The following GPR146 variants were observed in gnomAD, a reference collection of about 807,000 sequenced individuals.
GPR146 encodes the protein G-protein coupled receptor 146.
For synonymous variants in GPR146, 203 were observed against 104.3 expected (o/e 1.95, Z -5.77); for missense variants, 381 against 213.9 (o/e 1.78, Z -4.87).
rs1017201099 is a variant in GPR146 at position 1,058,725 on chromosome 7, G to A, written c.*208G>A. The A allele has an allele frequency of 1.5e-5, 9 of 591,378 alleles. No individual in the cohort carries two copies. The highest frequency in any genetic ancestry group is 4.3e-5 in the South Asian group (2 of 46,386). The allele number at this position is 591,378 out of a possible 1,614,324, so 36.6% of individuals were successfully genotyped here. ...GCTGGCATCTGGCTTGAGTCTCCCCGAGGCCTGTGCGTCTCCCAAACACGC... is the reference window on the plus strand; with the variant it reads ...GCTGGCATCTGGCTTGAGTCTCCCCAAGGCCTGTGCGTCTCCCAAACACGC... On this transcript the variant is annotated 3_prime_UTR_variant, in exon 2 of 2. Transcript: ENST00000444847.
chr7:1,057,833 G>T lies in GPR146; in HGVS notation c.318G>T (p.Gln106His). Reference sequence around the variant, plus strand: ...GCGGCGAAGTCCACGTGGCACTGCAGATCCCCTTCAATGTGTCCTCACTGG... The same window carrying T: ...GCGGCGAAGTCCACGTGGCACTGCATATCCCCTTCAATGTGTCCTCACTGG... ...SVGGEVHVAL[Q>H]IPFNVSSLVA... is the part of the protein sequence containing the mutation. Residue 106 changes from glutamine (Q) to histidine (H), a missense_variant, in exon 2 of 2, where the codon CAG (glutamine) becomes CAT (histidine). Gln to His is a conservative substitution (Grantham distance 24). Coordinates refer to ENST00000444847, the MANE Select transcript of GPR146 (RefSeq NM_001303473.2). 1 of 777,638 alleles carries T rather than the reference G, an allele frequency of 1.3e-6. No individual in the cohort carries two copies. The allele number at this position is 777,638 out of a possible 1,614,324, so 48.2% of individuals were successfully genotyped here.
intron 1 of GPR146, among the ~76,000 whole-genome samples, chr7:1,051,082 G>A (rs573468099): frequency 1.1e-3 from 164 of 152,346 alleles, no homozygotes; most frequent in Non-Finnish European, 1.9e-3. Context: ...CTGCGTCGCA[G>A]AGGGCACCAG....
chr7:1,050,286 C>G (rs1035369134), intron 1 of GPR146, among the ~76,000 whole-genome samples: 2 of 152,244 alleles, frequency 1.3e-5, no homozygotes, highest in Non-Finnish European at 2.9e-5. Context: ...GCTGCACACA[C>G]TCAGGTTTAG....
Position 1,057,557 on chromosome 7 carries a change from G to A in GPR146, c.42G>A (p.Glu14=), listed in dbSNP as rs138981691. ...GGTTCAACGGCACAGGGCTGGTGGA[G>A]GAGCTGCCTGCCTGCCAGGACCTGC... is the stretch of plus-strand genomic sequence containing the variant. The part of the protein sequence containing the change: ...CSWFNGTGLV[E]ELPACQDLQL... Residue 14 remains glutamate (E), a synonymous_variant, in exon 2 of 2, where the codon GAG becomes GAA. Transcript: ENST00000444847. 9.6e-5 allele frequency: 74 copies of A among 773,802 alleles called. No individual in the cohort carries two copies. The Middle Eastern group carries it at 1.9e-3, about 20-fold the overall frequency. The allele number at this position is 773,802 out of a possible 1,614,324, so 47.9% of individuals were successfully genotyped here. A position where few individuals can be genotyped will look rare whatever the true frequency, so the allele number is the denominator to read the frequency against.
Position 1,052,515 on chromosome 7 carries a change from A to G in GPR146, c.-24-4977A>G, listed in dbSNP as rs1243310084. ...GTGACTTTGGAGGTGCTGGAGGAGC[A>G]GGGCCTGGCGGAAGAAGTGGGGGAG... is the stretch of plus-strand genomic sequence containing the variant. On this transcript the variant is annotated intron_variant, in intron 1 of 1. Transcript: ENST00000444847. This position sits in a 1 kb window ranked among gnomAD's most constrained non-coding sequence, Gnocchi z 4.2. Among the ~76,000 whole-genome samples, 1 of 152,072 alleles carries G rather than the reference A, an allele frequency of 6.6e-6. No homozygotes were observed. The highest frequency in any genetic ancestry group is 1.5e-5 in the Non-Finnish European group (1 of 67,996).
In GPR146 at chr7:1,058,218, C is replaced by T. The variant is rs1784076277; in HGVS notation, c.703C>T (p.Leu235=). Residue 235 remains leucine (L), a synonymous_variant, in exon 2 of 2, where the codon CTG becomes TTG. Coordinates refer to ENST00000444847, the MANE Select transcript of GPR146 (RefSeq NM_001303473.2). ...GRLEPSAHRL[L]VATVCTQFGL... is the part of the protein sequence containing the mutation. ...GCTGGAGCCCTCGGCACACAGGCTG[C>T]TGGTGGCCACCGTGTGCACGCAGTT... 6.6e-6 allele frequency: 5 copies of T among 754,900 alleles called. No individual in the cohort carries two copies. Among genetic ancestry groups the T allele is most frequent in the Middle Eastern group, 4.5e-4 (2 of 4,446 alleles). The allele number at this position is 754,900 out of a possible 1,614,324, so 46.8% of individuals were successfully genotyped here. A position where few individuals can be genotyped will look rare whatever the true frequency, so the allele number is the denominator to read the frequency against.
chr7:1,048,744 G>A (rs998577272), intron 1 of GPR146, among the ~76,000 whole-genome samples: 1 of 152,066 alleles, frequency 6.6e-6, no homozygotes, highest in Admixed American at 6.5e-5. Flanking sequence ...GGGTCCTGTC[G>A]CCCCTGTCCA....
chr7:1,057,658 T>G lies in GPR146; in HGVS notation c.143T>G (p.Leu48Arg). ...VPVGLCYNAL[L>R]VLANLHSKAS... ...GTGGGCCTGTGCTACAACGCCCTGC[T>G]GGTGCTGGCCAACCTACACAGCAAG... The change falls in exon 2 of 2, where the codon CTG (leucine) becomes CGG (arginine). Residue 48 changes from leucine (L) to arginine (R), a missense_variant. By Grantham distance (102) the Leu-to-Arg change is moderately radical. Coordinates refer to ENST00000444847, the MANE Select transcript of GPR146 (RefSeq NM_001303473.2). The G allele has an allele frequency of 1.3e-6, 1 of 771,432 alleles. No homozygotes were observed. The highest frequency in any genetic ancestry group is 2.4e-6 in the Non-Finnish European group (1 of 416,052). 47.8% of individuals were successfully genotyped at this position (771,432 alleles called of 1,614,324 possible).
Position 1,059,099 on chromosome 7 carries a change from C to G in GPR146, c.*582C>G, listed in dbSNP as rs1784200181. On this transcript the variant is annotated 3_prime_UTR_variant, in exon 2 of 2. Coordinates refer to ENST00000444847, the MANE Select transcript of GPR146 (RefSeq NM_001303473.2). Reference sequence around the variant, plus strand: ...ATGGCTGGTGTTAAATGGAGCTATTCAATAGCAGTGACGCGCTCTCCTCAG... The same window carrying G: ...ATGGCTGGTGTTAAATGGAGCTATTGAATAGCAGTGACGCGCTCTCCTCAG... 1 of 171,576 alleles carries G rather than the reference C, an allele frequency of 5.8e-6. No individual in the cohort carries two copies. Among genetic ancestry groups the G allele is most frequent in the East Asian group, 1.9e-4 (1 of 5,306 alleles). The allele number at this position is 171,576 out of a possible 1,614,324, so 10.6% of individuals were successfully genotyped here. A position where few individuals can be genotyped will look rare whatever the true frequency, so the allele number is the denominator to read the frequency against.
At chr7:1,050,594 C>T (rs1385409188) in intron 1 of GPR146, among the ~76,000 whole-genome samples, 2 of 152,222 alleles carry the variant, frequency 1.3e-5, no homozygotes, top group African/African-American at 4.8e-5. Flanking sequence ...GGCGGACGGA[C>T]GCGGGAGAGC....
intron 1 of GPR146, chr7:1,045,408 C>T (rs1782484500): frequency 1.3e-5 from 2 of 152,258 alleles, no homozygotes; most frequent in South Asian, 4.1e-4. Context: ...CAGCTCCTGT[C>T]CACACGGAAC....
rs1783275684 is a variant in GPR146 at position 1,052,912 on chromosome 7, T to G, written c.-24-4580T>G. Among the ~76,000 whole-genome samples the G allele has an allele frequency of 6.6e-6, 1 of 152,180 alleles. No homozygotes were observed. The highest frequency in any genetic ancestry group is 6.5e-5 in the Admixed American group (1 of 15,288). ...CATCGCCGCCACAACAAACTCAGGC[T>G]TTCGTGTAGGAAAAGAGCCCACTTC... On this transcript the variant is annotated intron_variant, in intron 1 of 1. Transcript: ENST00000444847. The surrounding 1 kb of genome is among the most constrained non-coding windows in gnomAD (Gnocchi z 4.2).
intron 1 of GPR146, among the ~76,000 whole-genome samples, chr7:1,050,036 G>A (rs1782947733): frequency 6.6e-6 from 1 of 152,226 alleles, no homozygotes; most frequent in Non-Finnish European, 1.5e-5. Flanking sequence ...CTCTCTGGCG[G>A]GCTAGGCCTT....
chr7:1,053,105 C>T (rs1423132738), intron 1 of GPR146, among the ~76,000 whole-genome samples: 1 of 152,230 alleles, frequency 6.6e-6, no homozygotes, highest in Non-Finnish European at 1.5e-5. Flanking sequence ...TCTCCAGTTC[C>T]AGGATGCCCT....
At position 1,058,264 on chromosome 7, in the gene GPR146, A is replaced by G. The variant is rs746241492; in HGVS notation, c.749A>G (p.Tyr250Cys). ...CTQFGLWTPH[Y>C]LILLGHTVII... is the part of the protein sequence containing the mutation. The stretch of plus-strand genomic sequence containing the variant: ...CAGTTTGGGCTCTGGACGCCACACT[A>G]TCTGATCCTGCTGGGGCACACGGTC... Residue 250 changes from tyrosine (Y) to cysteine (C), a missense_variant, in exon 2 of 2, where the codon TAT becomes TGT. Tyr to Cys is a radical substitution (Grantham distance 194). Coordinates refer to ENST00000444847, the MANE Select transcript of GPR146 (RefSeq NM_001303473.2). 5 of 771,844 alleles carry G rather than the reference A, an allele frequency of 6.5e-6. No individual in the cohort carries two copies. The highest frequency in any genetic ancestry group is 5.1e-5 in the African/African-American group (3 of 59,134). 47.8% of individuals were successfully genotyped at this position (771,844 alleles called of 1,614,324 possible). A position where few individuals can be genotyped will look rare whatever the true frequency, so the allele number is the denominator to read the frequency against.
intron 1 of GPR146, among the ~76,000 whole-genome samples, chr7:1,054,734 G>A (rs937908707): frequency 2.0e-5 from 3 of 152,178 alleles, no homozygotes; most frequent in East Asian, 1.9e-4. Flanking sequence ...GAGAGCCCTC[G>A]CAGGAGGCTC....
chr7:1,047,771 A>G (rs1213445174), intron 1 of GPR146, among the ~76,000 whole-genome samples: 1 of 152,212 alleles, frequency 6.6e-6, no homozygotes, highest in African/African-American at 2.4e-5. Context: ...CTAAGGCTCT[A>G]AAGCTTCAAC....
chr7:1,055,263 G>A (rs907393001), intron 1 of GPR146: 3 of 471,060 alleles, frequency 6.4e-6, no homozygotes, highest in African/African-American at 4.0e-5. Flanking sequence ...GAGGCCCTGC[G>A]GGGAACTTAC....
chr7:1,052,306 G>A lies in GPR146; in HGVS notation c.-24-5186G>A, dbSNP rs985824708. ...GCGTCCAGCTCGGCTGGGGACACTC[G>A]CCTGAGAAGAGCCCAGTCCTGGGTG... On this transcript the variant is annotated intron_variant, in intron 1 of 1. Transcript: ENST00000444847. The surrounding 1 kb of genome is among the most constrained non-coding windows in gnomAD (Gnocchi z 4.2). Among the ~76,000 whole-genome samples the A allele has an allele frequency of 3.3e-5, 5 of 152,356 alleles. No individual in the cohort carries two copies. The highest frequency in any genetic ancestry group is 2.1e-4 in the South Asian group (1 of 4,832).
Sources: allele counts gnomAD v4.1 joint callset (sites outside exome capture counted in the v4.1 genomes callset), GRCh38; gene constraint gnomAD v4.1.1; non-coding constraint Gnocchi (gnomAD v3.1); transcripts MANE v1.5; gene names NCBI Gene and HGNC (gene_info 2026-07-23, HGNC 2026-07-21).